Variants in KCNC1 observed in about 807,000 individuals in gnomAD.
KCNC1 encodes the protein potassium voltage-gated channel subfamily C member 1.
KCNC1 carries 8 observed loss-of-function variants against 43.4 expected under a neutral mutation model. The observed-to-expected ratio is 0.18, with a 90% CI of 0.11 to 0.33. The LOEUF (loss-of-function observed/expected upper bound fraction) is 0.33. Ranked by LOEUF, KCNC1 falls within the 10% of genes least tolerant of loss-of-function variation. The pLI is 1.00. For synonymous variants in KCNC1, 361 were observed against 360.5 expected (o/e 1.00, Z -0.01); for missense variants, 420 against 836.0 (o/e 0.50, Z 6.14).
chr11:17,749,281 C>T (rs944971181), intron 1 of KCNC1, among the ~76,000 whole-genome samples: 2 of 152,248 alleles, frequency 1.3e-5, no homozygotes, highest in East Asian at 1.9e-4. Flanking sequence ...CTGGTGCGCA[C>T]GTGATGCCCA....
chr11:17,753,749 C>G (rs1848994074), intron 1 of KCNC1, among the ~76,000 whole-genome samples: 1 of 152,290 alleles, frequency 6.6e-6, no homozygotes, highest in Admixed American at 6.5e-5. Context: ...CAGCCTGAGT[C>G]TCTCCTCACC....
intron 1 of KCNC1, among the ~76,000 whole-genome samples, chr11:17,751,055 T>C (rs1007022968): frequency 1.3e-5 from 2 of 152,206 alleles, no homozygotes; most frequent in African/African-American, 4.8e-5. Context: ...GGTTAGGTAG[T>C]ATACCCCTCT....
rs1220715124 is a variant in KCNC1, at chr11:17,771,213, T to A, written c.571-452T>A. Among the ~76,000 whole-genome samples, 2 of 150,046 alleles carry A rather than the reference T, an allele frequency of 1.3e-5. No homozygotes were observed. The highest frequency in any genetic ancestry group is 4.9e-5 in the African/African-American group (2 of 40,904). ...GCTTCATTCCACTCTAGCTGCCCCC[T>A]CTTATTTCTTTGCAAACTTCAGCCC... On this transcript the variant is annotated intron_variant, in intron 1 of 3. Coordinates refer to ENST00000265969, the MANE Select transcript of KCNC1 (RefSeq NM_001112741.2). The surrounding 1 kb of genome is among the most constrained non-coding windows in gnomAD (Gnocchi z 4.7).
intron 2 of KCNC1, among the ~76,000 whole-genome samples, chr11:17,778,801 A>T (rs1849314467): frequency 7.3e-6 from 1 of 137,826 alleles, no homozygotes; most frequent in Admixed American, 7.4e-5. Context: ...AACAGGGCAT[A>T]CAGAGTGACC....
At chr11:17,760,838 A>G (rs1849069378) in intron 1 of KCNC1, among the ~76,000 whole-genome samples, 1 of 152,262 alleles carries the variant, frequency 6.6e-6, no homozygotes, top group Admixed American at 6.5e-5. Context: ...AGAGAGTGAC[A>G]TGATAACACC....
chr11:17,779,352 C>A lies in KCNC1; in HGVS notation c.1505-104C>A, dbSNP rs570145886. 7 of 954,650 alleles carry A rather than the reference C, an allele frequency of 7.3e-6. No homozygotes were observed. The highest frequency in any genetic ancestry group is 1.0e-5 in the Non-Finnish European group (7 of 671,728). 59.1% of individuals were successfully genotyped at this position (954,650 alleles called of 1,614,324 possible). On this transcript the variant is annotated intron_variant, in intron 2 of 3. Coordinates refer to ENST00000265969, the MANE Select transcript of KCNC1 (RefSeq NM_001112741.2). The surrounding 1 kb of genome is among the most constrained non-coding windows in gnomAD (Gnocchi z 7.2). Reference sequence around the variant, plus strand: ...CTGCCCGCTTTTCCGTCCTCAGGGACGCTCAAGCTGCCCTCTGCCAATACC... The same window carrying A: ...CTGCCCGCTTTTCCGTCCTCAGGGAAGCTCAAGCTGCCCTCTGCCAATACC...
chr11:17,770,705 G>A (rs1849216007), intron 1 of KCNC1, among the ~76,000 whole-genome samples: 1 of 152,318 alleles, frequency 6.6e-6, no homozygotes, highest in Admixed American at 6.5e-5. Context: ...TTCTGGACAG[G>A]CAGGGTGATC....
intron 1 of KCNC1, among the ~76,000 whole-genome samples, chr11:17,737,210 G>A (rs1848777954): frequency 6.6e-6 from 1 of 152,118 alleles, no homozygotes; most frequent in Admixed American, 6.5e-5. Context: ...TGGAGGGCTG[G>A]GCTGTAAGGT....
intron 1 of KCNC1, among the ~76,000 whole-genome samples, chr11:17,740,899 C>T (rs1444040658): frequency 6.6e-6 from 1 of 152,148 alleles, no homozygotes; most frequent in Non-Finnish European, 1.5e-5. Context: ...AGCGCCCAGC[C>T]AGAGGCTTCT....
In KCNC1 at chr11:17,777,319, G is replaced by A; in HGVS notation, c.1505-2137G>A. On this transcript the variant is annotated intron_variant, in intron 2 of 3. Transcript: ENST00000265969. This position sits in a 1 kb window ranked among gnomAD's most constrained non-coding sequence, Gnocchi z 4.3. ...GTGGACACCTCCCCTGGCAGAGGAT[G>A]GCCAACAGAGACTCAGCAAGTCCTC... 1.0e-6 allele frequency: 1 copy of A among 985,810 alleles called. No homozygotes were observed. Among genetic ancestry groups the A allele is most frequent in the Non-Finnish European group, 1.2e-6 (1 of 829,962 alleles). 61.1% of individuals were successfully genotyped at this position (985,810 alleles called of 1,614,324 possible). A position where few individuals can be genotyped will look rare whatever the true frequency, so the allele number is the denominator to read the frequency against.
intron 1 of KCNC1, among the ~76,000 whole-genome samples, chr11:17,751,046 G>C (rs1470674769): frequency 2.0e-5 from 3 of 152,210 alleles, no homozygotes; most frequent in Non-Finnish European, 2.9e-5. Flanking sequence ...AGGTGGAAGG[G>C]TTAGGTAGTA....
At chr11:17,746,821 A>T (rs1223903850) in intron 1 of KCNC1, among the ~76,000 whole-genome samples, 2 of 152,038 alleles carry the variant, frequency 1.3e-5, no homozygotes, top group African/African-American at 4.8e-5. Context: ...CAGGCCTTCG[A>T]TCGAATCCCA....
intron 1 of KCNC1, among the ~76,000 whole-genome samples, chr11:17,760,588 C>T (rs1281451396): frequency 6.6e-6 from 1 of 152,182 alleles, no homozygotes; most frequent in Non-Finnish European, 1.5e-5. Context: ...CACCACACTC[C>T]CTAAGGCCTC....
chr11:17,771,876 T>A lies in KCNC1; in HGVS notation c.782T>A (p.Leu261His). 1 of 1,614,214 alleles carries A rather than the reference T, an allele frequency of 6.2e-7. No individual in the cohort carries two copies. Among genetic ancestry groups the A allele is most frequent in the Non-Finnish European group, 8.5e-7 (1 of 1,180,020 alleles). ...GTGGTCTGGTTCACCTTCGAGTTCC[T>A]CATGCGTGTCATCTTCTGCCCCAAC... ...VCVVWFTFEF[L>H]MRVIFCPNKV... Residue 261 changes from leucine to histidine, a missense_variant, in exon 2 of 4, where the codon CTC becomes CAC. Around this residue, in one of 5 missense-constraint regions of KCNC1, gnomAD observed 151 missense variants for 216.7 expected, o/e 0.70. Coordinates refer to ENST00000265969, the MANE Select transcript of KCNC1 (RefSeq NM_001112741.2). This position sits in a 1 kb window ranked among gnomAD's most constrained non-coding sequence, Gnocchi z 4.7.
At chr11:17,762,669 T>C (rs992343338) in intron 1 of KCNC1, among the ~76,000 whole-genome samples, 3 of 152,154 alleles carry the variant, frequency 2.0e-5, no homozygotes, top group African/African-American at 4.8e-5. Context: ...CCTGGAGGGC[T>C]GGAGGGATAC....
At chr11:17,768,612 T>TA in intron 1 of KCNC1, among the ~76,000 whole-genome samples, 1 of 105,554 alleles carries the variant, frequency 9.5e-6, no homozygotes, top group South Asian at 3.7e-4. Context: ...TGGATGTTGG[T>TA]GGGGGGGGGG....
intron 2 of KCNC1, 50 bp downstream of exon 2, chr11:17,772,648 C>A: frequency 6.3e-7 from 1 of 1,587,204 alleles, no homozygotes; most frequent in East Asian, 2.2e-5. Flanking sequence ...CCTCTGCCCC[C>A]TGTAGCGATG....
chr11:17,763,216 G>C (rs1269796671), intron 1 of KCNC1, among the ~76,000 whole-genome samples: 3 of 152,042 alleles, frequency 2.0e-5, no homozygotes, highest in Admixed American at 1.3e-4. Flanking sequence ...TGAATCCTGG[G>C]ATGGAAAGTG....
In KCNC1 at chr11:17,752,456, G is replaced by A. The variant is rs1297445682; in HGVS notation, c.570+15884G>A. ...CACAAGACTAAGACAACAAGGGAACGTCTTCCCATAAAAAAGCTCCACATG... is the reference window on the plus strand; with the variant it reads ...CACAAGACTAAGACAACAAGGGAACATCTTCCCATAAAAAAGCTCCACATG... On this transcript the variant is annotated intron_variant, in intron 1 of 3. Transcript: ENST00000265969. Among the ~76,000 whole-genome samples the A allele has an allele frequency of 3.3e-5, 5 of 152,188 alleles. No individual in the cohort carries two copies. The South Asian group carries it at 6.2e-4, about 19-fold the overall frequency.
Sources: gnomAD v4.1 joint callset for allele counts (sites outside exome capture counted in the v4.1 genomes callset) on GRCh38, gnomAD v4.1.1 for gene constraint, gnomAD v4.1.1 regional missense constraint, Gnocchi (gnomAD v3.1) non-coding constraint, MANE v1.5 for transcripts, NCBI Gene and HGNC (gene_info 2026-07-23, HGNC 2026-07-21) for gene names.